PTPRN2: variants seen among roughly 807,000 people sequenced by gnomAD.
PTPRN2 encodes the protein receptor-type tyrosine-protein phosphatase N2.
PTPRN2 carries 74 observed loss-of-function variants against 118.8 expected under a neutral mutation model. That is an observed-to-expected ratio of 0.62 (90% confidence interval 0.52 to 0.76). The LOEUF (loss-of-function observed/expected upper bound fraction) is 0.76. Among genes scored for constraint, PTPRN2 ranks in the 30% least tolerant of loss-of-function variants. The probability of loss-of-function intolerance (pLI) is 0.00; values close to 1 mark genes in which losing one functional copy is unlikely to be tolerated. For synonymous variants in PTPRN2, 641 were observed against 608.0 expected (o/e 1.05, Z -0.80); for missense variants, 1,481 against 1,394.4 (o/e 1.06, Z -0.99).
intron 3 of PTPRN2, among the ~76,000 whole-genome samples, chr7:158,209,108 T>A (rs1387497836): frequency 7.7e-6 from 1 of 129,816 alleles, no homozygotes; most frequent in Non-Finnish European, 1.5e-5. Flanking sequence ...AAAATCACTT[T>A]CACTTAAAAA....
In PTPRN2 at chr7:157,801,068, C is replaced by CAT. The variant is rs201302949; in HGVS notation, c.1788+97603_1788+97604dup. ...ACACATATATACACATATATATACA[C>CAT]ATATATATACACACACACACACATA... On this transcript the variant is annotated intron_variant, in intron 12 of 22. Coordinates refer to ENST00000389418, the MANE Select transcript of PTPRN2 (RefSeq NM_002847.5). The surrounding 1 kb of genome is among the most constrained non-coding windows in gnomAD (Gnocchi z 4.2). Among the ~76,000 whole-genome samples the CAT allele has an allele frequency of 6.6e-3, 971 of 147,450 alleles. 13 individuals are homozygous for CAT. Among genetic ancestry groups the CAT allele is most frequent in the African/African-American group, 0.022 (867 of 39,442 alleles).
chr7:158,500,833 AGT>A (rs1822308095), intron 1 of PTPRN2, among the ~76,000 whole-genome samples: 3 of 152,234 alleles, frequency 2.0e-5, no homozygotes, highest in Non-Finnish European at 4.4e-5. Context: ...CCAGTCCCCG[AGT>A]TTCTGACCTA....
chr7:158,272,788 T>C (rs1285040440), intron 3 of PTPRN2, among the ~76,000 whole-genome samples: 1 of 151,912 alleles, frequency 6.6e-6, no homozygotes, highest in African/African-American at 2.4e-5. Flanking sequence ...CTCATAGGTG[T>C]GAGGGCCATC....
At chr7:158,185,962 A>G (rs1161810129) in intron 5 of PTPRN2, among the ~76,000 whole-genome samples, 3 of 152,054 alleles carry the variant, frequency 2.0e-5, no homozygotes, top group Admixed American at 1.3e-4. Context: ...TCAGAAGGCC[A>G]CATGGGGCAC....
intron 11 of PTPRN2, among the ~76,000 whole-genome samples, chr7:158,051,817 TTA>T (rs1809346925): frequency 6.6e-6 from 1 of 152,246 alleles, no homozygotes; most frequent in Admixed American, 6.5e-5. Context: ...CACACTGTAC[TTA>T]AACAAGTAGG....
intron 12 of PTPRN2, among the ~76,000 whole-genome samples, chr7:157,758,770 C>G (rs1011218466): frequency 2.0e-5 from 3 of 152,184 alleles, no homozygotes; most frequent in Non-Finnish European, 2.9e-5. Flanking sequence ...ACGCTACCCC[C>G]CAACCCTTGC....
At chr7:157,572,269 T>C (rs2150515971) in intron 19 of PTPRN2, among the ~76,000 whole-genome samples, 1 of 152,298 alleles carries the variant, frequency 6.6e-6, no homozygotes, top group African/African-American at 2.4e-5. Context: ...GAACTATTTC[T>C]GAATAAGTAA....
chr7:158,143,330 G>A, intron 6 of PTPRN2, among the ~76,000 whole-genome samples: 1 of 152,206 alleles, frequency 6.6e-6, no homozygotes, highest in East Asian at 1.9e-4. Context: ...ACTGGCAGGA[G>A]GCACCGGAGC....
intron 21 of PTPRN2, among the ~76,000 whole-genome samples, chr7:157,557,012 C>T (rs1798928124): frequency 6.6e-6 from 1 of 151,646 alleles, no homozygotes; most frequent in Non-Finnish European, 1.5e-5. Context: ...TGCATGCACA[C>T]ACATATATAC....
Position 157,933,849 on chromosome 7 carries a change from A to T in PTPRN2, c.1724-35112T>A, listed in dbSNP as rs375023880. 7.6e-4 allele frequency among the ~76,000 whole-genome samples: 88 copies of T among 115,670 alleles called. 7 individuals carry two copies. Among genetic ancestry groups the T allele is most frequent in the Middle Eastern group, 5.6e-3 (1 of 180 alleles). The allele number at this position is 115,670 out of a possible 152,430, so 75.9% of individuals were successfully genotyped here. A position where few individuals can be genotyped will look rare whatever the true frequency, so the allele number is the denominator to read the frequency against. On this transcript the variant is annotated intron_variant, in intron 11 of 22. Transcript: ENST00000389418. ...GAGTCACTCTGATTGACAGTTTTAG[A>T]GGAAGGATGAGTCACTCTGATTGAC...
At chr7:157,803,184 C>T (rs904840569) in intron 12 of PTPRN2, among the ~76,000 whole-genome samples, 3 of 152,118 alleles carry the variant, frequency 2.0e-5, no homozygotes, top group East Asian at 1.9e-4. Flanking sequence ...AGGCTGGTCT[C>T]GAACTCCTGA....
At chr7:158,506,554 T>C (rs943957022) in intron 1 of PTPRN2, among the ~76,000 whole-genome samples, 1 of 151,810 alleles carries the variant, frequency 6.6e-6, no homozygotes, top group East Asian at 2.0e-4. Context: ...TTATTTTGCT[T>C]AACATCCGTC....
intron 12 of PTPRN2, among the ~76,000 whole-genome samples, chr7:157,751,247 T>G (rs1231926759): frequency 1.3e-5 from 2 of 151,884 alleles, no homozygotes; most frequent in Admixed American, 1.3e-4. Flanking sequence ...CAAGGCAATA[T>G]CCCGAGGAGA....
intron 11 of PTPRN2, among the ~76,000 whole-genome samples, chr7:158,064,744 G>T (rs1158424129): frequency 6.6e-6 from 1 of 152,104 alleles, no homozygotes; most frequent in Non-Finnish European, 1.5e-5. Flanking sequence ...GCAGGGGAGG[G>T]AAGAGAAAGG....
chr7:158,257,715 G>C (rs2150913726), intron 3 of PTPRN2, among the ~76,000 whole-genome samples: 1 of 152,372 alleles, frequency 6.6e-6, no homozygotes, highest in African/African-American at 2.4e-5. Flanking sequence ...GACTGACCAA[G>C]ACCTGCGGCG....
intron 12 of PTPRN2, among the ~76,000 whole-genome samples, chr7:157,811,864 C>T (rs1806063262): frequency 1.3e-5 from 2 of 152,104 alleles, no homozygotes; most frequent in African/African-American, 2.4e-5. Context: ...CTGTTTTATA[C>T]ATTTTGGGGT....
intron 12 of PTPRN2, 57 bp downstream of exon 12, chr7:157,898,616 C>A: frequency 6.7e-7 from 1 of 1,493,066 alleles, no homozygotes; most frequent in South Asian, 1.1e-5. Context: ...CGGTGTTCGC[C>A]AGCACCCAGA....
At chr7:157,952,746 G>A (rs956632910) in intron 11 of PTPRN2, among the ~76,000 whole-genome samples, 3 of 152,098 alleles carry the variant, frequency 2.0e-5, no homozygotes, top group Admixed American at 6.5e-5. Flanking sequence ...GTGTGCACAG[G>A]CCTGCCTGCC....
At chr7:158,034,900 G>A (rs1162810364) in intron 11 of PTPRN2, among the ~76,000 whole-genome samples, 1 of 152,256 alleles carries the variant, frequency 6.6e-6, no homozygotes, top group African/African-American at 2.4e-5. Context: ...CTTTTGTGGG[G>A]TAGGCTTTGT....
Sources: gnomAD v4.1 joint callset for allele counts (sites outside exome capture counted in the v4.1 genomes callset) on GRCh38, gnomAD v4.1.1 for gene constraint, Gnocchi (gnomAD v3.1) non-coding constraint, MANE v1.5 for transcripts, NCBI Gene and HGNC (gene_info 2026-07-23, HGNC 2026-07-21) for gene names.